Variants in PKIB observed in about 807,000 individuals in gnomAD.
PKIB encodes cAMP-dependent protein kinase inhibitor beta.
Under a neutral mutation model 4.5 loss-of-function variants are expected in PKIB, and 2 were observed. The observed-to-expected ratio is 0.44, with a 90% confidence interval of 0.18 to 1.39. The LOEUF (loss-of-function observed/expected upper bound fraction) is 1.39, where lower values mean the gene tolerates loss of function less well. PKIB is among the 40% of genes most tolerant of loss of function. The probability of loss-of-function intolerance (pLI) is 0.27; values close to 1 mark genes in which losing one functional copy is unlikely to be tolerated. For synonymous variants in PKIB, 38 were observed against 36.0 expected (o/e 1.06, Z -0.20); for missense variants, 94 against 92.6 (o/e 1.02, Z -0.06).
chr6:122,538,641 A>T (rs1777485183), intron 2 of PKIB, among the ~76,000 whole-genome samples: 1 of 152,100 alleles, frequency 6.6e-6, no homozygotes, highest in Admixed American at 6.5e-5. Context: ...CTTTTGGCTT[A>T]GGATTGACTT....
chr6:122,608,097 G>A (rs1045876286), upstream of PKIB, among the ~76,000 whole-genome samples: 6 of 152,100 alleles, frequency 3.9e-5, no homozygotes, highest in Non-Finnish European at 5.9e-5. Flanking sequence ...TCCATAAACT[G>A]TCTATCTTTG....
intron 2 of PKIB, among the ~76,000 whole-genome samples, chr6:122,582,490 A>C (rs539291025): frequency 2.0e-5 from 3 of 152,058 alleles, no homozygotes; most frequent in Non-Finnish European, 4.4e-5. Flanking sequence ...CCAAAGTCTG[A>C]ATTTTATTTT....
intron 2 of PKIB, among the ~76,000 whole-genome samples, chr6:122,651,467 A>G (rs1211824428): frequency 6.6e-6 from 1 of 152,180 alleles, no homozygotes; most frequent in Non-Finnish European, 1.5e-5. Flanking sequence ...AGGAGCAGCC[A>G]TTACTGGTTC....
At chr6:122,689,492 T>C (rs1213150608) in intron 3 of PKIB, among the ~76,000 whole-genome samples, 2 of 152,210 alleles carry the variant, frequency 1.3e-5, no homozygotes, top group Non-Finnish European at 2.9e-5. Context: ...AATTTTTCAA[T>C]TTCCTTCTTA....
intron 4 of PKIB, among the ~76,000 whole-genome samples, chr6:122,723,065 C>G (rs1320073640): frequency 6.6e-6 from 1 of 152,144 alleles, no homozygotes; most frequent in East Asian, 1.9e-4. Context: ...GGTTTTCTTC[C>G]TGCTTCCCTG....
chr6:122,725,076 T>A, intron 4 of PKIB, 52 bp from the exon 5 acceptor site: 1 of 1,355,280 alleles, frequency 7.4e-7, no homozygotes, highest in Non-Finnish European at 1.0e-6. Context: ...TCTAACATAA[T>A]ACAAAATAAA....
chr6:122,709,461 A>G (rs1779188021), intron 3 of PKIB, among the ~76,000 whole-genome samples: 1 of 151,098 alleles, frequency 6.6e-6, no homozygotes, highest in African/African-American at 2.4e-5. Context: ...CATTCTTAGT[A>G]CAAAGAGATG....
intron 3 of PKIB, among the ~76,000 whole-genome samples, chr6:122,693,021 AAAGGACTTGCATTTACATGC>A (rs1289614096): frequency 6.6e-6 from 1 of 152,266 alleles, no homozygotes; most frequent in East Asian, 1.9e-4. Context: ...TGCTGAGGAT[AAAGGACTTGCATTTACATGC>A]AAGTACATAA....
At chr6:122,571,295 G>A (rs950071925) in intron 2 of PKIB, among the ~76,000 whole-genome samples, 7 of 152,084 alleles carry the variant, frequency 4.6e-5, no homozygotes, top group Non-Finnish European at 8.8e-5. Flanking sequence ...TTCCTGAGGG[G>A]GAAGAGAAGT....
intron 2 of PKIB, among the ~76,000 whole-genome samples, chr6:122,511,707 A>C (rs1379053247): frequency 6.6e-6 from 1 of 152,218 alleles, no homozygotes; most frequent in African/African-American, 2.4e-5. Context: ...TATTGAGTAC[A>C]ATCACTTAGA....
At chr6:122,672,674 T>A (rs1286875148) in intron 2 of PKIB, among the ~76,000 whole-genome samples, 1 of 151,952 alleles carries the variant, frequency 6.6e-6, no homozygotes, top group East Asian at 1.9e-4. Flanking sequence ...AACATCTAAT[T>A]ATATCTATTT....
chr6:122,491,756 A>G (rs548886973), intron 2 of PKIB, among the ~76,000 whole-genome samples: 3 of 152,344 alleles, frequency 2.0e-5, no homozygotes, highest in South Asian at 4.1e-4. Context: ...CTGATTTCAT[A>G]GCCATTTATG....
intron 3 of PKIB, among the ~76,000 whole-genome samples, chr6:122,691,267 A>C (rs1435652509): frequency 6.6e-6 from 1 of 152,038 alleles, no homozygotes; most frequent in Non-Finnish European, 1.5e-5. Context: ...TTTTGAATAA[A>C]CTTTCTACCC....
chr6:122,725,360 A>G lies in PKIB; in HGVS notation c.*165A>G. 4 of 605,888 alleles carry G rather than the reference A, an allele frequency of 6.6e-6. No individual in the cohort carries two copies. The highest frequency in any genetic ancestry group is 1.2e-5 in the Non-Finnish European group (4 of 340,406). The allele number at this position is 605,888 out of a possible 1,614,324, so 37.5% of individuals were successfully genotyped here. On this transcript the variant is annotated 3_prime_UTR_variant, in exon 5 of 5. Coordinates refer to ENST00000368452, the MANE Select transcript of PKIB (RefSeq NM_181795.3). ...TGTGATGCTACTCACTTTGATTGCAATGATGATGTCCAAGGTAAGCTATTA... is the reference window on the plus strand; with the variant it reads ...TGTGATGCTACTCACTTTGATTGCAGTGATGATGTCCAAGGTAAGCTATTA...
rs148992525 is a variant in PKIB, at chr6:122,480,957, T to C, written c.-248+3018T>C. ...TTTTAAAAAACTTAATGTAGAAATA[T>C]CATAAAATGAAGTTAAATTGAGTAA... On this transcript the variant is annotated intron_variant, in intron 2 of 6. Transcript: ENST00000392491. 16 of 152,210 alleles carry C rather than the reference T, an allele frequency of 1.1e-4. 1 individual carries two copies. In the East Asian group the frequency reaches 2.5e-3, roughly 24 times the overall value. The allele number at this position is 152,210 out of a possible 1,614,324, so 9.4% of individuals were successfully genotyped here.
chr6:122,614,535 G>C (rs998490969), intron 1 of PKIB, among the ~76,000 whole-genome samples: 1 of 151,904 alleles, frequency 6.6e-6, no homozygotes, highest in Non-Finnish European at 1.5e-5. Flanking sequence ...CCATGGGGGT[G>C]TGGGAGTAAG....
At chr6:122,703,216 TA>T (rs1778905393) in intron 3 of PKIB, among the ~76,000 whole-genome samples, 1 of 152,204 alleles carries the variant, frequency 6.6e-6, no homozygotes, top group African/African-American at 2.4e-5. Context: ...ATGATATTGT[TA>T]TTACTATTTG....
intron 2 of PKIB, among the ~76,000 whole-genome samples, chr6:122,663,978 T>C (rs117465957): frequency 6.6e-6 from 1 of 152,204 alleles, no homozygotes; most frequent in African/African-American, 2.4e-5. Flanking sequence ...TTAGAACATA[T>C]GTTCTTTGTA....
intron 2 of PKIB, among the ~76,000 whole-genome samples, chr6:122,651,322 C>T (rs955799614): frequency 6.6e-6 from 1 of 152,144 alleles, no homozygotes; most frequent in African/African-American, 2.4e-5. Context: ...AGCACACTTC[C>T]TTGTGGACTA....
Sources: gnomAD v4.1 joint callset for allele counts (sites outside exome capture counted in the v4.1 genomes callset) on GRCh38, gnomAD v4.1.1 for gene constraint, MANE v1.5 for transcripts, NCBI Gene and HGNC (gene_info 2026-07-23, HGNC 2026-07-21) for gene names.